The following ITGBL1 variants were observed in gnomAD, a reference collection of about 807,000 sequenced individuals.
The protein encoded by ITGBL1 is integrin subunit beta like 1, also known as integrin beta-like protein 1.
Under a neutral mutation model 68.5 loss-of-function variants are expected in ITGBL1, and 51 were observed. That is an observed-to-expected ratio of 0.74 (90% CI 0.59 to 0.94). The LOEUF is 0.94. ITGBL1 is among the 40% of genes least tolerant of loss of function. The pLI, the probability that ITGBL1 is intolerant of heterozygous loss-of-function variation, is 0.00. For missense variants in ITGBL1, 649 were observed against 647.4 expected (o/e 1.00, Z -0.03); for synonymous variants, 209 against 227.3 (o/e 0.92, Z 0.72).
chr13:101,671,098 C>G (rs2033346465), intron 7 of ITGBL1, among the ~76,000 whole-genome samples: 1 of 152,102 alleles, frequency 6.6e-6, no homozygotes. Context: ...TTTGTTTCTT[C>G]TCTAAACACA....
chr13:101,553,596 C>T lies in ITGBL1; in HGVS notation c.317-14103C>T, dbSNP rs1447972214. 2.0e-5 allele frequency among the ~76,000 whole-genome samples: 3 copies of T among 152,050 alleles called. No individual in the cohort carries two copies. In the East Asian group the frequency reaches 5.8e-4, roughly 29 times the overall value. ...TTTTTTGTCACAATGTTTTGGAGAC[C>T]AGAAGGCTGAGATCAAGGTGTTGGC... On this transcript the variant is annotated intron_variant, in intron 2 of 10. Transcript: ENST00000376180.
In ITGBL1 at chr13:101,452,920, G is replaced by C; in HGVS notation, c.87G>C (p.Ser29=). The C allele has an allele frequency of 1.9e-6, 3 of 1,613,930 alleles. No individual in the cohort carries two copies. The highest frequency in any genetic ancestry group is 2.2e-5 in the South Asian group (2 of 91,070). The change falls in exon 1 of 11, where the codon TCG becomes TCC. Residue 29 remains serine, a synonymous_variant. Transcript: ENST00000376180. ...AGLSAVPQSF[S]PSLRSWPGAA... ...TGTCAGCTGTTCCTCAAAGCTTCTC[G>C]CCATCTCTGAGGTAAGTTTGGTTTG...
chr13:101,513,368 G>A (rs1048843793), intron 2 of ITGBL1, among the ~76,000 whole-genome samples: 1 of 152,100 alleles, frequency 6.6e-6, no homozygotes, highest in Non-Finnish European at 1.5e-5. Context: ...CAGGTACACA[G>A]TAAGACCAGT....
intron 3 of ITGBL1, among the ~76,000 whole-genome samples, chr13:101,570,869 C>T (rs2050260737): frequency 3.3e-5 from 5 of 152,058 alleles, no homozygotes; most frequent in Admixed American, 3.3e-4. Context: ...TTATTTTTGC[C>T]TGTCAGGCAA....
chr13:101,513,711 A>G (rs2049151129), intron 2 of ITGBL1, among the ~76,000 whole-genome samples: 1 of 152,104 alleles, frequency 6.6e-6, no homozygotes, highest in South Asian at 2.1e-4. Flanking sequence ...TATACTTCAA[A>G]TTAATGAAGA....
intron 6 of ITGBL1, among the ~76,000 whole-genome samples, chr13:101,596,170 TA>T (rs1300211791): frequency 6.6e-6 from 1 of 152,020 alleles, no homozygotes; most frequent in Non-Finnish European, 1.5e-5. Flanking sequence ...TTCTGCTAAG[TA>T]AAATAAGCCA....
At chr13:101,679,639 T>C (rs1057384106) in intron 7 of ITGBL1, among the ~76,000 whole-genome samples, 2 of 152,230 alleles carry the variant, frequency 1.3e-5, no homozygotes, top group African/African-American at 4.8e-5. Flanking sequence ...ATTACTTTTG[T>C]ATATGAGTAT....
chr13:101,565,047 T>C (rs1248198366), intron 2 of ITGBL1, among the ~76,000 whole-genome samples: 1 of 151,994 alleles, frequency 6.6e-6, no homozygotes, highest in Non-Finnish European at 1.5e-5. Context: ...CCTCCAGAAC[T>C]AACCAACCCG....
At chr13:101,476,862 A>G (rs2048544550) in intron 2 of ITGBL1, among the ~76,000 whole-genome samples, 2 of 152,292 alleles carry the variant, frequency 1.3e-5, no homozygotes, top group South Asian at 4.1e-4. Flanking sequence ...ATATTATTAG[A>G]GCTAAAGTGA....
At chr13:101,561,331 G>A (rs1036350839) in intron 2 of ITGBL1, among the ~76,000 whole-genome samples, 1 of 152,094 alleles carries the variant, frequency 6.6e-6, no homozygotes, top group Non-Finnish European at 1.5e-5. Flanking sequence ...GCTCCTCCAG[G>A]ATGGTCATGA....
intron 7 of ITGBL1, among the ~76,000 whole-genome samples, chr13:101,674,982 C>G (rs888777072): frequency 6.6e-6 from 1 of 151,966 alleles, no homozygotes; most frequent in South Asian, 2.1e-4. Flanking sequence ...CTGATAGGCT[C>G]CTCTGGTCAC....
intron 2 of ITGBL1, among the ~76,000 whole-genome samples, chr13:101,486,237 A>G (rs2048700925): frequency 6.6e-6 from 1 of 152,222 alleles, no homozygotes; most frequent in African/African-American, 2.4e-5. Flanking sequence ...GAAGTAACTG[A>G]GGAATCAAAA....
intron 2 of ITGBL1, among the ~76,000 whole-genome samples, chr13:101,484,605 A>C (rs1328103464): frequency 1.3e-5 from 2 of 152,118 alleles, no homozygotes; most frequent in East Asian, 3.9e-4. Context: ...TATTTGTATA[A>C]ATTTTAGGAT....
chr13:101,584,297 A>G lies in ITGBL1; in HGVS notation c.868+941A>G, dbSNP rs866053433. Reference sequence around the variant, plus strand: ...TAAAATATGTAAGTCCAGGATGTCTAATAGTGCAAAGAAAAAGAAAGCAGT... The same window carrying G: ...TAAAATATGTAAGTCCAGGATGTCTGATAGTGCAAAGAAAAAGAAAGCAGT... On this transcript the variant is annotated intron_variant, in intron 6 of 10. Coordinates refer to ENST00000376180, the MANE Select transcript of ITGBL1 (RefSeq NM_004791.3). Among the ~76,000 whole-genome samples, 23 of 152,332 alleles carry G rather than the reference A, an allele frequency of 1.5e-4. No homozygotes were observed. The Middle Eastern group carries it at 0.017, about 113-fold the overall frequency.
At chr13:101,604,887 T>TATATACACATACATACAC in intron 7 of ITGBL1, among the ~76,000 whole-genome samples, 1 of 22,158 alleles carries the variant, frequency 4.5e-5, no homozygotes, top group Non-Finnish European at 8.2e-5. Context: ...TATATATATA[T>TATATACACATACATACAC]ACACACACAC....
intron 8 of ITGBL1, among the ~76,000 whole-genome samples, chr13:101,700,772 C>T (rs1335545567): frequency 2.6e-5 from 4 of 152,154 alleles, no homozygotes; most frequent in African/African-American, 4.8e-5. Flanking sequence ...TATTTCTTGT[C>T]CCAAGAACTT....
chr13:101,456,963 T>C (rs1019859858), intron 2 of ITGBL1, among the ~76,000 whole-genome samples: 2 of 152,186 alleles, frequency 1.3e-5, no homozygotes, highest in Non-Finnish European at 2.9e-5. Context: ...ATTCAAATCC[T>C]AGTCCTATTA....
intron 9 of ITGBL1, chr13:101,713,252 CA>C (rs1463537338): frequency 1.3e-5 from 2 of 152,172 alleles, no homozygotes; most frequent in Non-Finnish European, 2.9e-5. Context: ...GTGATGACCA[CA>C]ACTCCTTTTT....
At chr13:101,476,972 A>G (rs2048546927) in intron 2 of ITGBL1, among the ~76,000 whole-genome samples, 3 of 152,134 alleles carry the variant, frequency 2.0e-5, no homozygotes, top group Non-Finnish European at 2.9e-5. Context: ...AACATCAGAC[A>G]TAATCTGCAC....
Sources: gnomAD v4.1 joint callset for allele counts (sites outside exome capture counted in the v4.1 genomes callset) on GRCh38, gnomAD v4.1.1 for gene constraint, MANE v1.5 for transcripts, NCBI Gene and HGNC (gene_info 2026-07-23, HGNC 2026-07-21) for gene names.